Variants in NDUFA5 observed in about 807,000 individuals in gnomAD.
The protein encoded by NDUFA5 is NADH dehydrogenase [ubiquinone] 1 alpha subcomplex subunit 5.
Under a neutral mutation model 19.8 loss-of-function variants are expected in NDUFA5, and 11 were observed. That is an observed-to-expected ratio of 0.56 (90% CI 0.35 to 0.92). The LOEUF (loss-of-function observed/expected upper bound fraction) is 0.92, where lower values mean the gene tolerates loss of function less well. Ranked by LOEUF, NDUFA5 falls within the 40% of genes least tolerant of loss-of-function variation. NDUFA5 has a pLI of 0.01. For missense variants in NDUFA5, 109 were observed against 134.2 expected, an observed-to-expected ratio of 0.81 and a Z score of 0.93; for synonymous variants, 47 against 46.8, an observed-to-expected ratio of 1.00 and a Z score of -0.01.
chr7:123,596,896 T>C, the NDUFA5 span, among the ~76,000 whole-genome samples: 5 of 152,212 alleles, frequency 3.3e-5, no homozygotes, highest in African/African-American at 7.2e-5. Context: ...TGGTTGCCAA[T>C]ATAGAGCTTT....
At chr7:123,559,928 C>T (rs1473902929), upstream of NDUFA5, among the ~76,000 whole-genome samples, 1 of 142,976 alleles carries the variant, frequency 7.0e-6, no homozygotes, top group Non-Finnish European at 1.5e-5. Flanking sequence ...TTAATAAACA[C>T]AAAATACTCA....
Position 123,542,194 on chromosome 7 carries a change from T to C in NDUFA5, c.276A>G (p.Arg92=). ...CCCATAGTTTCCATTCCCTCATTTT[T>C]CTTGCCAGATTTAGTTCATGTTCAG... The part of the protein sequence containing the change: ...LQAEHELNLA[R]KMREWKLWEP... The change falls in exon 5 of 5, where the codon AGA becomes AGG. Residue 92 remains arginine (R), a synonymous_variant. Coordinates refer to ENST00000355749, the MANE Select transcript of NDUFA5 (RefSeq NM_005000.5). The C allele has an allele frequency of 6.2e-7, 1 of 1,612,418 alleles. No individual in the cohort carries two copies. Among genetic ancestry groups the C allele is most frequent in the South Asian group, 1.1e-5 (1 of 90,924 alleles).
At chr7:123,564,766 TG>T in the NDUFA5 span, among the ~76,000 whole-genome samples, 40 of 152,262 alleles carry the variant, frequency 2.6e-4, no homozygotes, top group Non-Finnish European at 4.6e-4. Context: ...AACGATTGTT[TG>T]CCTTATGATT....
intron 2 of NDUFA5, chr7:123,551,545 AT>A (rs1052516288): frequency 0.018 from 14,774 of 815,436 alleles, 133 homozygotes; most frequent in African/African-American, 0.08. Flanking sequence ...AGCACTGCAA[AT>A]TTTTTTTTTT....
At chr7:123,598,614 G>A in the NDUFA5 span, among the ~76,000 whole-genome samples, 4 of 152,154 alleles carry the variant, frequency 2.6e-5, no homozygotes, top group Non-Finnish European at 5.9e-5. Context: ...ATTTGAACAA[G>A]TCATCAGTGT....
chr7:123,542,065 A>G lies in NDUFA5; in HGVS notation c.*54T>C, dbSNP rs1468034347. On this transcript the variant is annotated 3_prime_UTR_variant, in exon 5 of 5. Transcript: ENST00000355749. ...GTAATAAGAACACGCTCTTAATATA[A>G]CAGAATATTTAATTACATCAGTTTC... 1 of 1,296,814 alleles carries G rather than the reference A, an allele frequency of 7.7e-7. No homozygotes were observed. Among genetic ancestry groups the G allele is most frequent in the East Asian group, 2.4e-5 (1 of 41,670 alleles). The allele number at this position is 1,296,814 out of a possible 1,614,324, so 80.3% of individuals were successfully genotyped here.
At chr7:123,548,195 T>A (rs1263983595) in intron 3 of NDUFA5, among the ~76,000 whole-genome samples, 1 of 152,236 alleles carries the variant, frequency 6.6e-6, no homozygotes, top group Non-Finnish European at 1.5e-5. Flanking sequence ...TGTGGCTGTA[T>A]GCAGGGTTAA....
chr7:123,542,298 T>G (rs958958428), intron 4 of NDUFA5, 78 bp from the exon 5 acceptor site: 8 of 973,938 alleles, frequency 8.2e-6, no homozygotes, highest in Non-Finnish European at 1.2e-5. Flanking sequence ...GAAATTTAAC[T>G]ATTAGTTACT....
At chr7:123,568,775 A>G in the NDUFA5 span, among the ~76,000 whole-genome samples, 69,194 of 151,892 alleles carry the variant, frequency 0.46, 16,033 homozygotes, top group African/African-American at 0.53. Flanking sequence ...TATACAAATC[A>G]ACAAAATGGT....
rs1797859581 is a variant in NDUFA5 at position 123,539,524 on chromosome 7, A to C, written c.*2595T>G. The C allele has an allele frequency of 6.6e-6, 1 of 152,194 alleles. No individual in the cohort carries two copies. Among genetic ancestry groups the C allele is most frequent in the Non-Finnish European group, 1.5e-5 (1 of 68,022 alleles). 9.4% of individuals were successfully genotyped at this position (152,194 alleles called of 1,614,324 possible). A position where few individuals can be genotyped will look rare whatever the true frequency, so the allele number is the denominator to read the frequency against. On this transcript the variant is annotated 3_prime_UTR_variant, in exon 5 of 5. Transcript: ENST00000355749. ...TAGAATGAAACCCATGGGAGAACTGAAATAGGCCATTCTGAAAATTATTAA... is the reference window on the plus strand; with the variant it reads ...TAGAATGAAACCCATGGGAGAACTGCAATAGGCCATTCTGAAAATTATTAA...
Position 123,537,257 on chromosome 7 carries a change from C to G in NDUFA5, c.*4862G>C, listed in dbSNP as rs538070677. The G allele has an allele frequency of 6.6e-6, 1 of 152,190 alleles. No individual in the cohort carries two copies. Among genetic ancestry groups the G allele is most frequent in the South Asian group, 2.1e-4 (1 of 4,828 alleles). The allele number at this position is 152,190 out of a possible 1,614,324, so 9.4% of individuals were successfully genotyped here. On this transcript the variant is annotated 3_prime_UTR_variant, in exon 5 of 5. Transcript: ENST00000355749. ...GCTTTTATTTTTACAAAGATGCCACCTAGTGGCTTGATAAAATCAAGCATT... is the reference window on the plus strand; with the variant it reads ...GCTTTTATTTTTACAAAGATGCCACGTAGTGGCTTGATAAAATCAAGCATT...
the NDUFA5 span, among the ~76,000 whole-genome samples, chr7:123,595,047 C>A: frequency 6.6e-6 from 1 of 152,222 alleles, no homozygotes; most frequent in African/African-American, 2.4e-5. Flanking sequence ...TCCAGCATCC[C>A]AGGTCGATCT....
intron 4 of NDUFA5, among the ~76,000 whole-genome samples, chr7:123,542,493 T>C (rs1430470326): frequency 2.0e-5 from 3 of 152,224 alleles, no homozygotes; most frequent in African/African-American, 7.2e-5. Flanking sequence ...ATCTTAATAA[T>C]ATTTCACAAG....
chr7:123,595,594 A>G, the NDUFA5 span, among the ~76,000 whole-genome samples: 4 of 152,290 alleles, frequency 2.6e-5, no homozygotes, highest in South Asian at 8.3e-4. Flanking sequence ...ACTTAAATAC[A>G]AACTTTTCAG....
chr7:123,574,905 T>TA, the NDUFA5 span, among the ~76,000 whole-genome samples: 1 of 151,834 alleles, frequency 6.6e-6, no homozygotes, highest in Non-Finnish European at 1.5e-5. Flanking sequence ...ACATCATACT[T>TA]GTTTAACTCT....
At chr7:123,547,390 T>G (rs1288452664) in intron 3 of NDUFA5, among the ~76,000 whole-genome samples, 1 of 152,120 alleles carries the variant, frequency 6.6e-6, no homozygotes, top group South Asian at 2.1e-4. Context: ...CTTTACTCAG[T>G]TTTTACTTTT....
the NDUFA5 span, among the ~76,000 whole-genome samples, chr7:123,597,116 G>T: frequency 6.6e-6 from 1 of 152,154 alleles, no homozygotes; most frequent in African/African-American, 2.4e-5. Flanking sequence ...AAAAATCCTA[G>T]CAATAAACAA....
At chr7:123,592,028 G>A in the NDUFA5 span, among the ~76,000 whole-genome samples, 1 of 152,116 alleles carries the variant, frequency 6.6e-6, no homozygotes, top group African/African-American at 2.4e-5. Flanking sequence ...TTAGTCTTGG[G>A]AGGGTGTATG....
the NDUFA5 span, among the ~76,000 whole-genome samples, chr7:123,593,025 T>C: frequency 1.3e-5 from 2 of 152,210 alleles, no homozygotes; most frequent in African/African-American, 4.8e-5. Context: ...CATTATGTAA[T>C]GGTTTTCTTT....
Sources: allele counts gnomAD v4.1 joint callset (sites outside exome capture counted in the v4.1 genomes callset), GRCh38; gene constraint gnomAD v4.1.1; transcripts MANE v1.5; gene names NCBI Gene and HGNC (gene_info 2026-07-23, HGNC 2026-07-21).